AGT: variants seen among roughly 807,000 people sequenced by gnomAD.
The protein encoded by AGT is angiotensinogen.
A neutral mutation model predicts 28.1 loss-of-function variants in AGT; 26 were observed. The observed-to-expected ratio is 0.92, with a 90% confidence interval of 0.68 to 1.28. The LOEUF (loss-of-function observed/expected upper bound fraction) is 1.28, where lower values mean the gene tolerates loss of function less well. AGT is among the 50% of genes most tolerant of loss of function. AGT has a pLI of 0.00. For synonymous variants in AGT, 259 were observed against 259.6 expected, an observed-to-expected ratio of 1.00 and a Z score of 0.02; for missense variants, 596 against 592.3, an observed-to-expected ratio of 1.01 and a Z score of -0.06.
intron 3 of AGT, 33 bp downstream of exon 3, chr1:230,705,900 C>T (rs1287989612): frequency 1.9e-6 from 3 of 1,612,884 alleles, no homozygotes; most frequent in Non-Finnish European, 8.5e-7. Context: ...CAGTGTGGCT[C>T]CCACATTCCA....
intron 1 of AGT, among the ~76,000 whole-genome samples, chr1:230,733,218 G>A (rs535805895): frequency 6.6e-6 from 1 of 152,250 alleles, no homozygotes; most frequent in Non-Finnish European, 1.5e-5. Context: ...GGGAGGCAGA[G>A]GTTGCAGTGA....
chr1:230,709,872 G>C (rs929148906), intron 2 of AGT, 123 bp downstream of exon 2: 7 of 1,425,464 alleles, frequency 4.9e-6, no homozygotes, highest in Non-Finnish European at 5.9e-6. Context: ...ACTTCTCAAG[G>C]GTGGTCACCA....
intron 1 of AGT, among the ~76,000 whole-genome samples, chr1:230,741,384 G>A (rs928295389): frequency 7.9e-5 from 12 of 152,218 alleles, no homozygotes; most frequent in Non-Finnish European, 1.3e-4. Context: ...GGTCGTCCAC[G>A]AGCCTATGCG....
Position 230,702,778 on chromosome 1 carries a change from C to T in AGT, c.*363G>A. The T allele has an allele frequency of 3.8e-6, 1 of 260,472 alleles. No individual in the cohort carries two copies. The highest frequency in any genetic ancestry group is 4.9e-5 in the Admixed American group (1 of 20,356). The allele number at this position is 260,472 out of a possible 1,614,324, so 16.1% of individuals were successfully genotyped here. ...AATTTTAAAACCCAATTTTTGTTCT[C>T]AACTTGAAAAGGGAACACTTTTTTG... On this transcript the variant is annotated 3_prime_UTR_variant, in exon 5 of 5. Coordinates refer to ENST00000366667, the MANE Select transcript of AGT (RefSeq NM_001384479.1).
At chr1:230,726,067 T>C (rs1427274793) in intron 1 of AGT, among the ~76,000 whole-genome samples, 1 of 152,214 alleles carries the variant, frequency 6.6e-6, no homozygotes, top group Admixed American at 6.5e-5. Flanking sequence ...TGTGTGCTAT[T>C]TAGACTGCAA....
chr1:230,717,321 G>T (rs752335801), upstream of AGT, among the ~76,000 whole-genome samples: 1 of 151,950 alleles, frequency 6.6e-6, no homozygotes, highest in Non-Finnish European at 1.5e-5. Context: ...ATGAGACTTG[G>T]TCTAAACTAG....
chr1:230,715,949 A>G (rs1263307044), upstream of AGT, among the ~76,000 whole-genome samples: 1 of 152,224 alleles, frequency 6.6e-6, no homozygotes, highest in Non-Finnish European at 1.5e-5. Context: ...AACATGCTGG[A>G]AAGTGGTGTA....
At chr1:230,718,041 G>T (rs764896219), upstream of AGT, among the ~76,000 whole-genome samples, 4 of 152,126 alleles carry the variant, frequency 2.6e-5, no homozygotes, top group Non-Finnish European at 5.9e-5. Context: ...ATGTCTCAAA[G>T]AATCCTCCTG....
chr1:230,739,756 G>T (rs1194887681), intron 1 of AGT, among the ~76,000 whole-genome samples: 4 of 152,142 alleles, frequency 2.6e-5, no homozygotes, highest in Admixed American at 2.0e-4. Context: ...CCAGTGGCAG[G>T]TTTGGTAAGA....
In AGT at chr1:230,703,133, C is replaced by A. The variant is rs749553841; in HGVS notation, c.*8G>T. 3.7e-6 allele frequency: 6 copies of A among 1,613,056 alleles called. No homozygotes were observed. The highest frequency in any genetic ancestry group is 5.1e-6 in the Non-Finnish European group (6 of 1,179,980). On this transcript the variant is annotated 3_prime_UTR_variant, in exon 5 of 5. Transcript: ENST00000366667. ...CCTTGCCAGGCACTGTGTTCTGGGGCCCTGGCCTCATGCTGTGCTCAGCGG... is the reference window on the plus strand; with the variant it reads ...CCTTGCCAGGCACTGTGTTCTGGGGACCTGGCCTCATGCTGTGCTCAGCGG...
At position 230,727,968 on chromosome 1, in the gene AGT, T is replaced by G. The variant is rs138005897; in HGVS notation, c.-30-17115A>C. 1.4e-4 allele frequency among the ~76,000 whole-genome samples: 22 copies of G among 152,276 alleles called. 1 individual carries two copies. In the East Asian group the frequency reaches 4.1e-3, roughly 28 times the overall value. On this transcript the variant is annotated intron_variant, in intron 1 of 4. Coordinates refer to the AGT transcript ENST00000681269. ...CACCAGAGTTTTATTATTACTCAGA[T>G]CAGCCTCCTCAAAAATATGAAGGCA... is the stretch of plus-strand genomic sequence containing the variant.
chr1:230,720,574 A>C (rs1455969452), intron 1 of AGT, among the ~76,000 whole-genome samples: 1 of 152,194 alleles, frequency 6.6e-6, no homozygotes, highest in East Asian at 1.9e-4. Context: ...CCAAGCTACA[A>C]CTTAAATCCT....
At chr1:230,737,769 A>C (rs2102806384) in intron 1 of AGT, among the ~76,000 whole-genome samples, 1 of 152,296 alleles carries the variant, frequency 6.6e-6, no homozygotes, top group South Asian at 2.1e-4. Context: ...TCACCTATTT[A>C]AAGTGTACAA....
At position 230,710,655 on chromosome 1, in the gene AGT, T is replaced by G. The variant is rs1198717815; in HGVS notation, c.169A>C (p.Thr57Pro). The G allele has an allele frequency of 6.2e-7, 1 of 1,614,184 alleles. No individual in the cohort carries two copies. Among genetic ancestry groups the G allele is most frequent in the South Asian group, 1.1e-5 (1 of 91,078 alleles). ...GCCTGAATTGGAGCAGGTATGAAGG[T>G]GGGGTCTTTGGGCTTCCCGGCATTG... ...KANAGKPKDP[T>P]FIPAPIQAKT... The change falls in exon 2 of 5, where the codon ACC becomes CCC. Residue 57 changes from threonine (T) to proline (P), a missense_variant. By Grantham distance (38) the Thr-to-Pro change is conservative. Transcript: ENST00000366667.
At chr1:230,711,181 G>A (rs533397236) in intron 1 of AGT, among the ~76,000 whole-genome samples, 2 of 152,272 alleles carry the variant, frequency 1.3e-5, no homozygotes, top group East Asian at 3.9e-4. Context: ...AAGTTAAAAT[G>A]AGGCCATGAG....
intron 4 of AGT, 41 bp from the exon 5 acceptor site, chr1:230,703,370 T>G (rs1477249955): frequency 6.2e-7 from 1 of 1,612,152 alleles, no homozygotes; most frequent in South Asian, 1.1e-5. Context: ...GAGGGCGCAC[T>G]GGGTGACCCA....
rs1182814450 is a variant in AGT at position 230,705,979 on chromosome 1, T to G, written c.1051A>C (p.Thr351Pro). The G allele has an allele frequency of 1.9e-6, 3 of 1,614,056 alleles. No individual in the cohort carries two copies. The South Asian group carries it at 3.3e-5, about 18-fold the overall frequency. ...CAGTTGAGGGAGTTTTGCTGGAAAG[T>G]GAGACCCTCCACCTTGTCCAGGTCA... The part of the protein sequence containing the change: ...ASDLDKVEGL[T>P]FQQNSLNWMK... Residue 351 changes from threonine to proline, a missense_variant, in exon 3 of 5, where the codon ACT (threonine) becomes CCT (proline). Coordinates refer to ENST00000366667, the MANE Select transcript of AGT (RefSeq NM_001384479.1).
chr1:230,704,629 G>A (rs1308599095), intron 3 of AGT, among the ~76,000 whole-genome samples: 4 of 152,256 alleles, frequency 2.6e-5, no homozygotes, highest in Non-Finnish European at 5.9e-5. Context: ...CATTGAAGGT[G>A]TGTTACTTGG....
intron 1 of AGT, among the ~76,000 whole-genome samples, chr1:230,725,171 TA>T (rs1663917350): frequency 1.3e-5 from 2 of 152,224 alleles, no homozygotes; most frequent in East Asian, 3.8e-4. Context: ...TAAATTGGTT[TA>T]ATGGATTTTA....
Sources: gnomAD v4.1 joint callset for allele counts (sites outside exome capture counted in the v4.1 genomes callset) on GRCh38, gnomAD v4.1.1 for gene constraint, MANE v1.5 for transcripts, NCBI Gene and HGNC (gene_info 2026-07-23, HGNC 2026-07-21) for gene names.